NALF1: variants seen among roughly 807,000 people sequenced by gnomAD.
NALF1 encodes the protein NALCN channel auxiliary factor 1, also known as family with sequence similarity 155 member A.
In NALF1, 3 loss-of-function variants were observed where a neutral mutation model predicts 48.4. That is an observed-to-expected ratio of 0.06 (90% CI 0.03 to 0.16). The LOEUF is 0.16. Among genes scored for constraint, NALF1 ranks in the 10% least tolerant of loss-of-function variants. The pLI, the probability that NALF1 is intolerant of heterozygous loss-of-function variation, is 1.00. For missense variants in NALF1, 526 were observed against 571.5 expected (o/e 0.92, Z 0.81); for synonymous variants, 262 against 245.7 (o/e 1.07, Z -0.62).
intron 1 of NALF1, among the ~76,000 whole-genome samples, chr13:107,360,837 C>CTCTT (rs762289351): frequency 6.6e-6 from 1 of 152,008 alleles, no homozygotes; most frequent in Non-Finnish European, 1.5e-5. Context: ...AGCTGCCTAT[C>CTCTT]TCTTTCTTTC....
intron 1 of NALF1, among the ~76,000 whole-genome samples, chr13:107,667,138 CT>C (rs1482611445): frequency 6.6e-6 from 1 of 151,914 alleles, no homozygotes; most frequent in Non-Finnish European, 1.5e-5. Flanking sequence ...AATTTAATTG[CT>C]CAATAAATGC....
At chr13:107,340,060 G>GT (rs1402893273) in intron 1 of NALF1, among the ~76,000 whole-genome samples, 7 of 152,056 alleles carry the variant, frequency 4.6e-5, no homozygotes, top group African/African-American at 1.7e-4. Flanking sequence ...AATAAAGGTG[G>GT]TGCTGACCTG....
At chr13:107,795,262 A>C (rs922885057) in intron 1 of NALF1, among the ~76,000 whole-genome samples, 1 of 152,174 alleles carries the variant, frequency 6.6e-6, no homozygotes, top group Non-Finnish European at 1.5e-5. Context: ...AACAACCAAA[A>C]ACAAACAAAC....
intron 1 of NALF1, among the ~76,000 whole-genome samples, chr13:107,285,712 A>AT: frequency 6.6e-6 from 1 of 152,112 alleles, no homozygotes; most frequent in East Asian, 1.9e-4. Context: ...TATTATACAT[A>AT]GTATATATAG....
intron 1 of NALF1, among the ~76,000 whole-genome samples, chr13:107,530,463 A>C (rs1876589788): frequency 6.6e-6 from 1 of 152,170 alleles, no homozygotes; most frequent in Non-Finnish European, 1.5e-5. Flanking sequence ...ATATCCATAT[A>C]GACTGAAGCA....
chr13:107,314,710 T>C (rs1882111217), intron 1 of NALF1, among the ~76,000 whole-genome samples: 3 of 152,284 alleles, frequency 2.0e-5, no homozygotes, highest in African/African-American at 7.2e-5. Flanking sequence ...GGTTTCATTG[T>C]CTTTCACCCA....
intron 2 of NALF1, among the ~76,000 whole-genome samples, chr13:107,176,268 T>C (rs1311269337): frequency 6.6e-6 from 1 of 151,680 alleles, no homozygotes; most frequent in Non-Finnish European, 1.5e-5. Flanking sequence ...ATTTGAAATC[T>C]CTAGTGAATC....
At chr13:107,674,572 C>A (rs925013936) in intron 1 of NALF1, among the ~76,000 whole-genome samples, 2 of 152,102 alleles carry the variant, frequency 1.3e-5, no homozygotes, top group African/African-American at 4.8e-5. Flanking sequence ...TTCTACTTGC[C>A]ATGCAATGTG....
intron 2 of NALF1, among the ~76,000 whole-genome samples, chr13:107,190,420 C>T (rs1271531035): frequency 6.6e-6 from 1 of 152,192 alleles, no homozygotes; most frequent in Non-Finnish European, 1.5e-5. Flanking sequence ...GGCATGTAAA[C>T]ACCTCATAAA....
At chr13:107,434,467 G>T (rs1884432359) in intron 1 of NALF1, among the ~76,000 whole-genome samples, 1 of 152,166 alleles carries the variant, frequency 6.6e-6, no homozygotes, top group African/African-American at 2.4e-5. Context: ...TTTGGATGAG[G>T]TTATTGGTTT....
At chr13:107,349,974 A>T (rs1165369667) in intron 1 of NALF1, among the ~76,000 whole-genome samples, 3 of 152,168 alleles carry the variant, frequency 2.0e-5, no homozygotes, top group African/African-American at 7.2e-5. Flanking sequence ...ACCTCAGATC[A>T]TCAGGCATTA....
intron 1 of NALF1, among the ~76,000 whole-genome samples, chr13:107,631,325 T>C (rs7989982): frequency 0.58 from 88,175 of 152,016 alleles, 28,013 homozygotes; most frequent in East Asian, 0.99. Context: ...GCACATGCCT[T>C]CCGACTGTGT....
chr13:107,368,208 C>T (rs1308931332), intron 1 of NALF1, among the ~76,000 whole-genome samples: 4 of 152,140 alleles, frequency 2.6e-5, no homozygotes, highest in African/African-American at 9.7e-5. Flanking sequence ...CAGTATGACT[C>T]TAAACTGAAG....
chr13:107,376,940 T>C (rs1883349440), intron 1 of NALF1, among the ~76,000 whole-genome samples: 1 of 152,210 alleles, frequency 6.6e-6, no homozygotes, highest in Admixed American at 6.5e-5. Flanking sequence ...AACTCGCTCC[T>C]GTTCAGCACA....
chr13:107,681,620 A>G (rs1190213889), intron 1 of NALF1, among the ~76,000 whole-genome samples: 2 of 152,150 alleles, frequency 1.3e-5, no homozygotes, highest in Admixed American at 1.3e-4. Context: ...GTCAGATGAA[A>G]TGACCGGAGC....
At chr13:107,199,285 G>C (rs1260921885) in intron 2 of NALF1, among the ~76,000 whole-genome samples, 1 of 152,176 alleles carries the variant, frequency 6.6e-6, no homozygotes, top group Non-Finnish European at 1.5e-5. Flanking sequence ...AGGCCAAGGA[G>C]AGAGGCCTCA....
chr13:107,314,283 G>T (rs186476949), intron 1 of NALF1, among the ~76,000 whole-genome samples: 1 of 152,012 alleles, frequency 6.6e-6, no homozygotes, highest in Non-Finnish European at 1.5e-5. Context: ...TCTGGAATCC[G>T]CTTTCCACTT....
At chr13:107,646,534 T>G (rs1880318760) in intron 1 of NALF1, among the ~76,000 whole-genome samples, 1 of 152,160 alleles carries the variant, frequency 6.6e-6, no homozygotes, top group Admixed American at 6.6e-5. Context: ...AAACGACCAG[T>G]GACTCAACGC....
At chr13:107,855,626 C>G (rs1880424255) in intron 1 of NALF1, among the ~76,000 whole-genome samples, 2 of 152,160 alleles carry the variant, frequency 1.3e-5, no homozygotes, top group South Asian at 4.1e-4. Flanking sequence ...ACAGGGCAAC[C>G]AGACATGGGC....
Sources: allele counts gnomAD v4.1 joint callset (sites outside exome capture counted in the v4.1 genomes callset), GRCh38; gene constraint gnomAD v4.1.1; transcripts MANE v1.5; gene names NCBI Gene and HGNC (gene_info 2026-07-23, HGNC 2026-07-21).